The following SNX24 variants were observed in gnomAD, a reference collection of about 807,000 sequenced individuals.
SNX24 encodes sorting nexin 24.
A neutral mutation model predicts 28.7 loss-of-function variants in SNX24; 22 were observed. The ratio of observed to expected loss-of-function variants is 0.77; its 90% confidence interval spans 0.55 to 1.10. The LOEUF is 1.10. Among genes scored for constraint, SNX24 ranks in the 50% least tolerant of loss-of-function variants. The pLI is 0.00. For synonymous variants in SNX24, 69 were observed against 71.5 expected (o/e 0.96, Z 0.18); for missense variants, 221 against 201.1 (o/e 1.10, Z -0.60).
At chr5:122,980,984 G>A (rs1055754286) in intron 3 of SNX24, among the ~76,000 whole-genome samples, 2 of 152,020 alleles carry the variant, frequency 1.3e-5, no homozygotes, top group Admixed American at 6.6e-5. Context: ...AAGGGAATCC[G>A]TAAGCTTAAA....
chr5:122,901,201 C>CAAA (rs58784065), intron 1 of SNX24, among the ~76,000 whole-genome samples: 1 of 87,236 alleles, frequency 1.1e-5, no homozygotes, highest in African/African-American at 4.4e-5. Context: ...AACTCCATCT[C>CAAA]AAAAAAAAAA....
intron 3 of SNX24, 88 bp from the exon 4 acceptor site, chr5:122,999,824 G>T: frequency 2.5e-6 from 2 of 814,838 alleles, no homozygotes; most frequent in Non-Finnish European, 2.1e-6. Flanking sequence ...AACTTTGATG[G>T]ACGGTTATGA....
intron 1 of SNX24, among the ~76,000 whole-genome samples, chr5:122,876,656 T>C (rs1415843353): frequency 6.6e-6 from 1 of 152,242 alleles, no homozygotes; most frequent in Non-Finnish European, 1.5e-5. Context: ...GTTTTTAGTT[T>C]AGCTCTGCAC....
rs1759349066 is a variant in SNX24, at chr5:122,939,604, G to C, written c.144+2787G>C. ...CCTTTCAGATTCTATCTTAAAATTA[G>C]TCATTTCTTCTTGAGCTATGATGAG... is the stretch of plus-strand genomic sequence containing the variant. On this transcript the variant is annotated intron_variant, in intron 2 of 6. Transcript: ENST00000261369. Among the ~76,000 whole-genome samples, 3 of 152,112 alleles carry C rather than the reference G, an allele frequency of 2.0e-5. No individual in the cohort carries two copies. In the South Asian group the frequency reaches 6.2e-4, roughly 32 times the overall value.
intron 1 of SNX24, among the ~76,000 whole-genome samples, chr5:122,927,800 A>T (rs889919990): frequency 6.6e-6 from 1 of 152,112 alleles, no homozygotes; most frequent in Admixed American, 6.5e-5. Context: ...ATCTCTAGTT[A>T]AGACCAGAGT....
At chr5:122,860,174 G>A (rs901125978) in intron 1 of SNX24, among the ~76,000 whole-genome samples, 2 of 152,178 alleles carry the variant, frequency 1.3e-5, no homozygotes, top group Non-Finnish European at 2.9e-5. Flanking sequence ...AAAGAAACGT[G>A]TTTCAGGGTA....
chr5:122,983,511 C>G (rs1761473863), intron 3 of SNX24, among the ~76,000 whole-genome samples: 1 of 152,234 alleles, frequency 6.6e-6, no homozygotes, highest in African/African-American at 2.4e-5. Flanking sequence ...TGAGAGCAGA[C>G]TTAGCCAGGA....
chr5:123,000,050 C>A, intron 4 of SNX24, 44 bp downstream of exon 4: 1 of 1,233,868 alleles, frequency 8.1e-7, no homozygotes, highest in Non-Finnish European at 1.2e-6. Flanking sequence ...TTAAATTACT[C>A]TTCAATGACC....
At chr5:122,991,348 CTT>C (rs1157575799) in intron 3 of SNX24, among the ~76,000 whole-genome samples, 4 of 151,978 alleles carry the variant, frequency 2.6e-5, no homozygotes, top group Non-Finnish European at 4.4e-5. Context: ...TAATATGTGA[CTT>C]TAAAGTAATT....
At chr5:122,971,102 T>C (rs149998489) in intron 3 of SNX24, among the ~76,000 whole-genome samples, 638 of 152,310 alleles carry the variant, frequency 4.2e-3, no homozygotes, top group Middle Eastern at 0.01. Flanking sequence ...GCTGACAGTG[T>C]AGCCTTCAGT....
chr5:122,911,486 T>C (rs1219346069), intron 1 of SNX24, among the ~76,000 whole-genome samples: 20 of 151,494 alleles, frequency 1.3e-4, no homozygotes, highest in Non-Finnish European at 4.4e-5. Context: ...AGATCCCATT[T>C]GTCAATTTTG....
intron 1 of SNX24, among the ~76,000 whole-genome samples, chr5:122,910,318 C>T (rs1757824706): frequency 6.6e-6 from 1 of 152,038 alleles, no homozygotes; most frequent in African/African-American, 2.4e-5. Context: ...TTCTCTACTG[C>T]CTTTTGTTTT....
At chr5:122,903,348 T>G (rs1757517594) in intron 1 of SNX24, among the ~76,000 whole-genome samples, 1 of 152,180 alleles carries the variant, frequency 6.6e-6, no homozygotes, top group Non-Finnish European at 1.5e-5. Context: ...TGGGCTCAAG[T>G]GATCCACTCA....
intron 3 of SNX24, among the ~76,000 whole-genome samples, chr5:122,976,849 A>T (rs1023902738): frequency 1.2e-4 from 18 of 152,188 alleles, no homozygotes; most frequent in African/African-American, 4.3e-4. Context: ...TATGTCTATG[A>T]TTGCTTGTGA....
At chr5:122,847,363 T>C (rs1581660759) in intron 1 of SNX24, among the ~76,000 whole-genome samples, 1 of 152,192 alleles carries the variant, frequency 6.6e-6, no homozygotes, top group East Asian at 1.9e-4. Context: ...TAAACTGATG[T>C]GGAAGGAGCT....
chr5:123,001,223 G>C (rs750567483), intron 4 of SNX24, among the ~76,000 whole-genome samples, 182 bp from the exon 5 acceptor site: 16 of 152,144 alleles, frequency 1.1e-4, no homozygotes, highest in Non-Finnish European at 1.5e-4. Flanking sequence ...GAATATTCCA[G>C]TCTTCAGATT....
chr5:122,893,669 A>C (rs1475522612), intron 1 of SNX24, among the ~76,000 whole-genome samples: 2 of 152,206 alleles, frequency 1.3e-5, no homozygotes, highest in Admixed American at 6.5e-5. Context: ...AACTCACTAA[A>C]TAGAATTTAA....
chr5:122,848,690 CAG>C (rs1754761935), intron 1 of SNX24, among the ~76,000 whole-genome samples: 1 of 149,350 alleles, frequency 6.7e-6, no homozygotes, highest in Non-Finnish European at 1.5e-5. Flanking sequence ...GTCTAGGTGA[CAG>C]AGCAACACTC....
intron 5 of SNX24, among the ~76,000 whole-genome samples, chr5:123,021,562 A>AAGTT (rs1762763093): frequency 6.6e-6 from 1 of 152,214 alleles, no homozygotes; most frequent in African/African-American, 2.4e-5. Flanking sequence ...AAATTCCAAA[A>AAGTT]AGTTATAAAT....
Sources: gnomAD v4.1 joint callset for allele counts (sites outside exome capture counted in the v4.1 genomes callset) on GRCh38, gnomAD v4.1.1 for gene constraint, MANE v1.5 for transcripts, NCBI Gene and HGNC (gene_info 2026-07-23, HGNC 2026-07-21) for gene names.